PTGER3: variants seen among roughly 807,000 people sequenced by gnomAD.
PTGER3 encodes prostaglandin E2 receptor EP3 subtype.
A neutral mutation model predicts 34.7 loss-of-function variants in PTGER3; 22 were observed. The ratio of observed to expected loss-of-function variants is 0.63; its 90% CI spans 0.45 to 0.91. PTGER3 has a LOEUF of 0.91. Ranked by LOEUF, PTGER3 falls within the 40% of genes least tolerant of loss-of-function variation. The pLI is 0.00. For synonymous variants in PTGER3, 241 were observed against 230.1 expected, an observed-to-expected ratio of 1.05 and a Z score of -0.43; for missense variants, 468 against 519.4, an observed-to-expected ratio of 0.90 and a Z score of 0.96.
At chr1:70,947,837 C>T (rs765494138), downstream of PTGER3, among the ~76,000 whole-genome samples, 15 of 152,094 alleles carry the variant, frequency 9.9e-5, no homozygotes, top group Middle Eastern at 3.2e-3. Context: ...TGTTTATCTA[C>T]GTGTACATGT....
At chr1:70,854,106 G>A (rs1249006660) in intron 4 of PTGER3, among the ~76,000 whole-genome samples, 1 of 151,998 alleles carries the variant, frequency 6.6e-6, no homozygotes, top group African/African-American at 2.4e-5. Context: ...GGCAATAAAA[G>A]CAAAAATAGA....
rs141300910 is a variant in PTGER3, at chr1:71,014,866, A to G, written c.898-2382T>C. ...CTGCCCATCACAGGTGCAGCTTCCA[A>G]TCCCAGCTGTGATCAAATCCTCTCC... On this transcript the variant is annotated intron_variant, in intron 1 of 3. Transcript: ENST00000306666. Among the ~76,000 whole-genome samples, 29 of 152,286 alleles carry G rather than the reference A, an allele frequency of 1.9e-4. 1 individual carries two copies. The highest frequency in any genetic ancestry group is 6.7e-4 in the African/African-American group (28 of 41,568).
At chr1:70,974,913 C>A (rs944934798) in intron 2 of PTGER3, among the ~76,000 whole-genome samples, 5 of 152,118 alleles carry the variant, frequency 3.3e-5, no homozygotes, top group South Asian at 2.1e-4. Context: ...ACCTCAGGGC[C>A]TTTGTACTTG....
At chr1:70,909,289 T>C (rs1647013616) in intron 4 of PTGER3, among the ~76,000 whole-genome samples, 1 of 152,228 alleles carries the variant, frequency 6.6e-6, no homozygotes, top group African/African-American at 2.4e-5. Flanking sequence ...TTTCTGTGCG[T>C]GTTAACCATC....
chr1:70,894,170 G>T (rs1369318859), intron 4 of PTGER3, among the ~76,000 whole-genome samples: 4 of 151,906 alleles, frequency 2.6e-5, no homozygotes, highest in East Asian at 3.9e-4. Context: ...TTAGCCGGGC[G>T]TGGTGGTGGG....
intron 4 of PTGER3, among the ~76,000 whole-genome samples, chr1:70,870,800 A>C (rs1213427410): frequency 2.6e-5 from 4 of 152,166 alleles, no homozygotes; most frequent in Non-Finnish European, 5.9e-5. Flanking sequence ...GGTCCCAATA[A>C]TTCCTCATTT....
intron 2 of PTGER3, among the ~76,000 whole-genome samples, chr1:70,992,816 G>T (rs1004643205): frequency 1.3e-5 from 2 of 152,176 alleles, no homozygotes; most frequent in Admixed American, 1.3e-4. Context: ...GCAGAGATGA[G>T]AAATGCAGCT....
chr1:70,981,623 G>A (rs1280237149), intron 2 of PTGER3, among the ~76,000 whole-genome samples: 1 of 151,658 alleles, frequency 6.6e-6, no homozygotes, highest in African/African-American at 2.4e-5. Flanking sequence ...TGTTTAGGCT[G>A]GTCTCTAACT....
intron 1 of PTGER3, among the ~76,000 whole-genome samples, chr1:71,036,831 T>C (rs1659874536): frequency 7.3e-6 from 1 of 137,396 alleles, no homozygotes; most frequent in South Asian, 2.5e-4. Flanking sequence ...AGAACGAGAC[T>C]TTGTCTCAAA....
At chr1:70,991,573 A>T (rs1157867183) in intron 2 of PTGER3, among the ~76,000 whole-genome samples, 1 of 152,182 alleles carries the variant, frequency 6.6e-6, no homozygotes, top group African/African-American at 2.4e-5. Context: ...TCCGTGCCTC[A>T]GTCTCTGAGG....
intron 4 of PTGER3, among the ~76,000 whole-genome samples, chr1:70,925,575 A>G (rs1031508705): frequency 6.6e-6 from 1 of 152,212 alleles, no homozygotes; most frequent in Admixed American, 6.5e-5. Flanking sequence ...TTAATGGAAT[A>G]AAATTTAATT....
intron 4 of PTGER3, among the ~76,000 whole-genome samples, chr1:70,895,955 A>G (rs1457892641): frequency 1.3e-5 from 2 of 152,226 alleles, no homozygotes; most frequent in African/African-American, 4.8e-5. Context: ...AAGATTAGGA[A>G]GAAGAGTGCT....
chr1:70,944,319 A>C (rs1650025258), intron 4 of PTGER3, among the ~76,000 whole-genome samples: 2 of 152,114 alleles, frequency 1.3e-5, no homozygotes, highest in South Asian at 4.1e-4. Context: ...GAGAAGTCAA[A>C]GCAATTTTTT....
intron 4 of PTGER3, among the ~76,000 whole-genome samples, chr1:70,857,850 G>C (rs1312518215): frequency 6.6e-6 from 1 of 152,052 alleles, no homozygotes; most frequent in Non-Finnish European, 1.5e-5. Context: ...TGTATTCTTG[G>C]CCCTTGTTCG....
At chr1:70,993,459 T>G (rs1557721744) in intron 2 of PTGER3, among the ~76,000 whole-genome samples, 1 of 152,216 alleles carries the variant, frequency 6.6e-6, no homozygotes, top group Non-Finnish European at 1.5e-5. Flanking sequence ...GAACTGGTCT[T>G]GGGCAGAAGT....
intron 1 of PTGER3, among the ~76,000 whole-genome samples, chr1:71,025,290 C>G (rs933384982): frequency 6.6e-6 from 1 of 151,788 alleles, no homozygotes; most frequent in Non-Finnish European, 1.5e-5. Flanking sequence ...GTGGAACGTT[C>G]TGGTGTTCAG....
At position 71,042,679 on chromosome 1, in the gene PTGER3, A is replaced by C. The variant is rs149778309; in HGVS notation, c.897+4002T>G. ...ATAATACTTTTATATGCTATAAAAC[A>C]ACATTATTTCTGAAAATAATTCATC... On this transcript the variant is annotated intron_variant, in intron 1 of 3. Coordinates refer to ENST00000306666, the MANE Select transcript of PTGER3 (RefSeq NM_198719.2). Among the ~76,000 whole-genome samples the C allele has an allele frequency of 2.0e-4, 31 of 152,340 alleles. No individual in the cohort carries two copies. In the East Asian group the frequency reaches 6.0e-3, roughly 29 times the overall value.
chr1:70,878,864 G>T (rs1391722922), intron 4 of PTGER3, among the ~76,000 whole-genome samples: 2 of 151,962 alleles, frequency 1.3e-5, no homozygotes, highest in Non-Finnish European at 2.9e-5. Flanking sequence ...TTGTTTTTTG[G>T]TTTGCTGAGA....
chr1:70,909,469 G>A (rs999311007), intron 4 of PTGER3, among the ~76,000 whole-genome samples: 1 of 152,304 alleles, frequency 6.6e-6, no homozygotes, highest in East Asian at 1.9e-4. Flanking sequence ...TTACATGGAA[G>A]GAGTAATTCA....
Sources: allele counts gnomAD v4.1 joint callset (sites outside exome capture counted in the v4.1 genomes callset), GRCh38; gene constraint gnomAD v4.1.1; transcripts MANE v1.5; gene names NCBI Gene and HGNC (gene_info 2026-07-23, HGNC 2026-07-21).